The following TMIGD3 variants were observed in gnomAD, a reference collection of about 807,000 sequenced individuals.
TMIGD3 encodes AD026 protein (AD026).
Under a neutral mutation model 28.1 loss-of-function variants are expected in TMIGD3, and 21 were observed. That is an observed-to-expected ratio of 0.75 (90% CI 0.53 to 1.08). TMIGD3 has a LOEUF of 1.08. TMIGD3 is among the 50% of genes least tolerant of loss of function. TMIGD3 has a pLI of 0.00. For missense variants in TMIGD3, 416 were observed against 435.6 expected (o/e 0.96, Z 0.40); for synonymous variants, 151 against 162.1 (o/e 0.93, Z 0.52).
chr1:111,518,746 A>G lies in TMIGD3; in HGVS notation c.108-27984T>C, dbSNP rs571228986. ...AGGTGTGAACTAGATACTGAAATCT[A>G]CTTGCCCAGAAGCAATACCATTAAT... is the stretch of plus-strand genomic sequence containing the variant. On this transcript the variant is annotated intron_variant, in intron 1 of 5. Transcript: ENST00000369717. 1.1e-4 allele frequency among the ~76,000 whole-genome samples: 16 copies of G among 152,312 alleles called. No homozygotes were observed. In the South Asian group the frequency reaches 3.3e-3, roughly 32 times the overall value.
At chr1:111,549,917 T>C (rs1463597740) in intron 1 of TMIGD3, among the ~76,000 whole-genome samples, 1 of 152,164 alleles carries the variant, frequency 6.6e-6, no homozygotes, top group Non-Finnish European at 1.5e-5. Context: ...CCTACCAAAG[T>C]GCTGGAATTA....
chr1:111,520,274 C>A (rs1426041417), intron 1 of TMIGD3, among the ~76,000 whole-genome samples: 1 of 152,186 alleles, frequency 6.6e-6, no homozygotes, highest in Non-Finnish European at 1.5e-5. Context: ...CCTTGACAAC[C>A]TTAGTACATG....
chr1:111,483,582 A>C lies in TMIGD3; in HGVS notation c.*105T>G. The C allele has an allele frequency of 1.0e-6, 1 of 986,362 alleles. No homozygotes were observed. The highest frequency in any genetic ancestry group is 1.6e-6 in the Non-Finnish European group (1 of 632,668). The allele number at this position is 986,362 out of a possible 1,614,324, so 61.1% of individuals were successfully genotyped here. On this transcript the variant is annotated 3_prime_UTR_variant, in exon 6 of 6. Transcript: ENST00000369716. ...TGTTGTCAAGGATAGAGGGTCCTTCAGAATTCCTGGGAGATCAGAATCAGT... is the reference window on the plus strand; with the variant it reads ...TGTTGTCAAGGATAGAGGGTCCTTCCGAATTCCTGGGAGATCAGAATCAGT...
At chr1:111,520,219 C>T (rs141174342) in intron 1 of TMIGD3, among the ~76,000 whole-genome samples, 158 of 152,218 alleles carry the variant, frequency 1.0e-3, no homozygotes, top group African/African-American at 3.5e-3. Flanking sequence ...ATGGAGGAAA[C>T]GATAGTTAAT....
chr1:111,518,910 A>G (rs1655956668), intron 1 of TMIGD3, among the ~76,000 whole-genome samples: 1 of 151,836 alleles, frequency 6.6e-6, no homozygotes, highest in Non-Finnish European at 1.5e-5. Flanking sequence ...AACTAGGAAT[A>G]TTTTCATTTT....
At chr1:111,544,653 T>G (rs1656970704) in intron 1 of TMIGD3, among the ~76,000 whole-genome samples, 1 of 152,204 alleles carries the variant, frequency 6.6e-6, no homozygotes, top group Admixed American at 6.5e-5. Context: ...TGAATAACAC[T>G]GCTATGAACA....
At chr1:111,536,140 CCTTTAG>C (rs1460393896) in intron 1 of TMIGD3, among the ~76,000 whole-genome samples, 2 of 152,130 alleles carry the variant, frequency 1.3e-5, no homozygotes, top group Non-Finnish European at 2.9e-5. Flanking sequence ...GCTCATAAGT[CCTTTAG>C]CTTCTCCTGT....
intron 1 of TMIGD3, among the ~76,000 whole-genome samples, chr1:111,539,536 T>A (rs2789536): frequency 0.42 from 64,196 of 151,902 alleles, 14,740 homozygotes; most frequent in Admixed American, 0.56. Context: ...GACCTCATAA[T>A]CCGCCCGCCT....
chr1:111,504,816 C>T (rs577328401), upstream of TMIGD3: 13 of 975,820 alleles, frequency 1.3e-5, no homozygotes, highest in African/African-American at 1.4e-4. Context: ...ATTCCACTCC[C>T]GACCCCCACC....
At chr1:111,558,199 A>T (rs114608216) in intron 1 of TMIGD3, among the ~76,000 whole-genome samples, 3,118 of 152,214 alleles carry the variant, frequency 0.02, 99 homozygotes, top group African/African-American at 0.071. Context: ...TTGTTTTGAG[A>T]CAGGGTCTTA....
At chr1:111,553,697 C>T (rs901061949) in intron 1 of TMIGD3, among the ~76,000 whole-genome samples, 9 of 152,186 alleles carry the variant, frequency 5.9e-5, no homozygotes, top group African/African-American at 1.9e-4. Context: ...TATTTTCACA[C>T]GTATACTGTG....
At position 111,503,017 on chromosome 1, in the gene TMIGD3, T is replaced by C. The variant is rs1485129888; in HGVS notation, c.338A>G (p.Lys113Arg). Residue 113 changes from lysine to arginine, a missense_variant, in exon 1 of 6, where the codon AAG (lysine) becomes AGG (arginine). Transcript: ENST00000369716. ...CGCCGCAGGCTACCTGACGGTAAGCTTGACCCGCAAGTATCGGTCCACAGC... is the reference window on the plus strand; with the variant it reads ...CGCCGCAGGCTACCTGACGGTAAGCCTGACCCGCAAGTATCGGTCCACAGC... ...AIAVDRYLRVKLTVRFRIPGL... is the reference protein window; with the variant it reads ...AIAVDRYLRVRLTVRFRIPGL... 6.2e-7 allele frequency: 1 copy of C among 1,613,962 alleles called. No individual in the cohort carries two copies. Among genetic ancestry groups the C allele is most frequent in the Non-Finnish European group, 8.5e-7 (1 of 1,179,850 alleles).
In TMIGD3 at chr1:111,489,591, T is replaced by A. The variant is rs767053080; in HGVS notation, c.458-567A>T. On this transcript the variant is annotated intron_variant, in intron 2 of 5. Transcript: ENST00000369716. The stretch of plus-strand genomic sequence containing the variant: ...GCAACTCTGGAGAAGTCCTTTTCCC[T>A]GGCCTAAGGGTGGGTGAAATATGGA... 3.6e-6 allele frequency: 4 copies of A among 1,107,376 alleles called. No individual in the cohort carries two copies. The South Asian group carries it at 6.2e-5, about 17-fold the overall frequency. 68.6% of individuals were successfully genotyped at this position (1,107,376 alleles called of 1,614,324 possible).
chr1:111,538,843 T>A (rs1656728121), intron 1 of TMIGD3, among the ~76,000 whole-genome samples: 1 of 152,216 alleles, frequency 6.6e-6, no homozygotes, highest in Non-Finnish European at 1.5e-5. Flanking sequence ...CTGAACTTTA[T>A]ATACTTTTTA....
chr1:111,500,796 A>G (rs1571413243), intron 1 of TMIGD3: 2 of 551,760 alleles, frequency 3.6e-6, no homozygotes, highest in Non-Finnish European at 3.2e-6. Flanking sequence ...TTCTCTGGGG[A>G]CTTTTCTAAA....
At chr1:111,486,556 G>T in intron 4 of TMIGD3, 30 bp downstream of exon 4, 26 of 1,510,970 alleles carry the variant, frequency 1.7e-5, no homozygotes, top group Non-Finnish European at 2.3e-5. Context: ...ACCGCCCCAA[G>T]CCCATTCATC....
At chr1:111,485,457 T>C in intron 5 of TMIGD3, 2 of 338,020 alleles carry the variant, frequency 5.9e-6, no homozygotes, top group Admixed American at 4.6e-5. Context: ...GGGAGGTAGG[T>C]GGCTCTGCAG....
upstream of TMIGD3, among the ~76,000 whole-genome samples, chr1:111,507,887 C>A (rs1233546566): frequency 1.3e-5 from 2 of 152,258 alleles, no homozygotes; most frequent in Non-Finnish European, 2.9e-5. Flanking sequence ...CCTCCCCCAC[C>A]ACTCTCCGGG....
At chr1:111,486,743 TC>T in intron 3 of TMIGD3, 91 bp from the exon 4 acceptor site, 1 of 1,081,372 alleles carries the variant, frequency 9.2e-7, no homozygotes, top group Non-Finnish European at 1.4e-6. Flanking sequence ...TCATTCTATG[TC>T]CAGAGAGTGA....
Sources: gnomAD v4.1 joint callset for allele counts (sites outside exome capture counted in the v4.1 genomes callset) on GRCh38, gnomAD v4.1.1 for gene constraint, MANE v1.5 for transcripts, NCBI Gene and HGNC (gene_info 2026-07-23, HGNC 2026-07-21) for gene names.